Variants in CDH13 observed in about 807,000 individuals in gnomAD.
CDH13 encodes cadherin 13.
Under a neutral mutation model 63.8 loss-of-function variants are expected in CDH13, and 24 were observed. The observed-to-expected ratio is 0.38, with a 90% CI of 0.27 to 0.53. CDH13 has a LOEUF of 0.53. Among genes scored for constraint, CDH13 ranks in the 20% least tolerant of loss-of-function variants. CDH13 has a pLI of 0.85. For missense variants in CDH13, 1,049 were observed against 903.1 expected (o/e 1.16, Z -2.07); for synonymous variants, 503 against 355.3 (o/e 1.42, Z -4.67).
chr16:82,883,749 T>A (rs1396334421), intron 2 of CDH13, among the ~76,000 whole-genome samples: 1 of 152,218 alleles, frequency 6.6e-6, no homozygotes, highest in Non-Finnish European at 1.5e-5. Flanking sequence ...GTGCTGTCTC[T>A]AGAGAGCAAC....
chr16:82,946,027 C>T (rs900917562), intron 2 of CDH13, among the ~76,000 whole-genome samples: 4 of 152,040 alleles, frequency 2.6e-5, no homozygotes, highest in Admixed American at 2.6e-4. Context: ...TAGCACTTCT[C>T]CTGGCGTCTT....
intron 1 of CDH13, among the ~76,000 whole-genome samples, chr16:82,759,714 C>A (rs1351863641): frequency 1.3e-5 from 2 of 151,958 alleles, no homozygotes; most frequent in Non-Finnish European, 2.9e-5. Flanking sequence ...TAGCTGAATG[C>A]AGCACACCTC....
intron 10 of CDH13, among the ~76,000 whole-genome samples, chr16:83,689,209 G>C (rs1369118710): frequency 6.6e-6 from 1 of 152,020 alleles, no homozygotes; most frequent in East Asian, 1.9e-4. Flanking sequence ...TTAATCCTCA[G>C]AACCAATATA....
intron 3 of CDH13, among the ~76,000 whole-genome samples, chr16:83,068,862 C>A (rs1292623056): frequency 1.3e-5 from 2 of 152,110 alleles, no homozygotes; most frequent in Non-Finnish European, 2.9e-5. Flanking sequence ...CAATTTCTGG[C>A]CAATGTCTAA....
chr16:82,799,072 T>C (rs1157108331), intron 1 of CDH13, among the ~76,000 whole-genome samples: 1 of 152,144 alleles, frequency 6.6e-6, no homozygotes, highest in Non-Finnish European at 1.5e-5. Flanking sequence ...CCCAGCAATT[T>C]GTCTCTGAGA....
At chr16:82,633,255 G>A (rs528432439) in intron 1 of CDH13, among the ~76,000 whole-genome samples, 22 of 152,182 alleles carry the variant, frequency 1.4e-4, no homozygotes, top group African/African-American at 4.6e-4. Context: ...GCTCCCTCAC[G>A]GTATAGACAT....
intron 1 of CDH13, among the ~76,000 whole-genome samples, chr16:82,677,019 G>C (rs1244153946): frequency 6.6e-6 from 1 of 152,134 alleles, no homozygotes; most frequent in Non-Finnish European, 1.5e-5. Flanking sequence ...AAGTAGCTGG[G>C]ACTACAGGCA....
chr16:83,351,183 T>G (rs1006372561), intron 6 of CDH13, among the ~76,000 whole-genome samples: 1 of 152,166 alleles, frequency 6.6e-6, no homozygotes, highest in South Asian at 2.1e-4. Context: ...AATTTTTTTT[T>G]GCTGATATTT....
At chr16:83,000,329 A>G (rs1187384347) in intron 2 of CDH13, among the ~76,000 whole-genome samples, 1 of 125,084 alleles carries the variant, frequency 8.0e-6, no homozygotes, top group Non-Finnish European at 1.6e-5. Flanking sequence ...GCTCGCTGCA[A>G]CCTCCACCTC....
At chr16:83,483,498 A>C (rs2073820139) in intron 6 of CDH13, among the ~76,000 whole-genome samples, 1 of 151,234 alleles carries the variant, frequency 6.6e-6, no homozygotes, top group South Asian at 2.1e-4. Context: ...TAATCATTTT[A>C]ATGCATATGT....
rs750512627 is a variant in CDH13, at chr16:83,217,517, G to T, written c.636+20G>T. ...TATCAAGTGAGTACCCCTCTCCCAT[G>T]CCCACCCTGTGCGCAGAAATGTGGC... On this transcript the variant is annotated intron_variant, in intron 5 of 13. Transcript: ENST00000567109. 6.2e-7 allele frequency: 1 copy of T among 1,606,346 alleles called. No homozygotes were observed.
chr16:83,374,053 AC>A (rs1403093396), intron 6 of CDH13, among the ~76,000 whole-genome samples: 2 of 152,208 alleles, frequency 1.3e-5, no homozygotes, highest in African/African-American at 4.8e-5. Flanking sequence ...AGTGGAGGGT[AC>A]TAAGGCGTGC....
chr16:83,786,092 G>C (rs1047573270), intron 13 of CDH13, among the ~76,000 whole-genome samples: 2 of 152,146 alleles, frequency 1.3e-5, no homozygotes, highest in African/African-American at 4.8e-5. Flanking sequence ...TGAGATGACA[G>C]AACACATCCA....
At chr16:83,290,075 G>A (rs916944000) in intron 5 of CDH13, among the ~76,000 whole-genome samples, 1 of 152,154 alleles carries the variant, frequency 6.6e-6, no homozygotes, top group Non-Finnish European at 1.5e-5. Context: ...GACCCATGCT[G>A]TGTATACTCT....
At chr16:82,718,399 C>A (rs971276451) in intron 1 of CDH13, among the ~76,000 whole-genome samples, 18 of 152,076 alleles carry the variant, frequency 1.2e-4, no homozygotes, top group Non-Finnish European at 2.9e-5. Flanking sequence ...TGTAGATTTC[C>A]CCGGGCAGGT....
chr16:82,787,220 T>C (rs913350154), intron 1 of CDH13, among the ~76,000 whole-genome samples: 1 of 152,176 alleles, frequency 6.6e-6, no homozygotes, highest in Admixed American at 6.5e-5. Flanking sequence ...CTCTAAACTT[T>C]TTAAATAATT....
intron 8 of CDH13, among the ~76,000 whole-genome samples, chr16:83,633,012 T>C (rs1434317506): frequency 6.6e-6 from 1 of 152,088 alleles, no homozygotes; most frequent in African/African-American, 2.4e-5. Context: ...TTTGACATGC[T>C]AATGTATTAT....
At chr16:83,436,158 C>T (rs1187767181) in intron 6 of CDH13, among the ~76,000 whole-genome samples, 1 of 152,132 alleles carries the variant, frequency 6.6e-6, no homozygotes, top group Non-Finnish European at 1.5e-5. Context: ...AGATGCCCTG[C>T]TCTAGAAACT....
At chr16:83,758,181 T>C (rs923344608) in intron 11 of CDH13, among the ~76,000 whole-genome samples, 1 of 152,140 alleles carries the variant, frequency 6.6e-6, no homozygotes, top group Non-Finnish European at 1.5e-5. Context: ...AAAACAATTT[T>C]ATACAAACCC....
Sources: allele counts gnomAD v4.1 joint callset (sites outside exome capture counted in the v4.1 genomes callset), GRCh38; gene constraint gnomAD v4.1.1; transcripts MANE v1.5; gene names NCBI Gene and HGNC (gene_info 2026-07-23, HGNC 2026-07-21).